The following DLG2 variants were observed in gnomAD, a reference collection of about 807,000 sequenced individuals.
DLG2 encodes discs large MAGUK scaffold protein 2, also known as disks large homolog 2.
In DLG2, 45 loss-of-function variants were observed where a neutral mutation model predicts 132.5. The observed-to-expected ratio is 0.34, with a 90% CI of 0.27 to 0.44. DLG2 has a LOEUF of 0.44. Among genes scored for constraint, DLG2 ranks in the 20% least tolerant of loss-of-function variants. The pLI is 1.00. For synonymous variants in DLG2, 424 were observed against 419.6 expected (o/e 1.01, Z -0.13); for missense variants, 1,045 against 1,196.9 (o/e 0.87, Z 1.87).
At chr11:85,025,466 T>C (rs867129608) in intron 6 of DLG2, among the ~76,000 whole-genome samples, 1 of 152,204 alleles carries the variant, frequency 6.6e-6, no homozygotes, top group Non-Finnish European at 1.5e-5. Context: ...ACCACTTTGA[T>C]ACAATTTGGG....
chr11:84,456,540 T>A lies in DLG2; in HGVS notation c.519+78030A>T, dbSNP rs537028442. Among the ~76,000 whole-genome samples the A allele has an allele frequency of 5.9e-5, 9 of 151,428 alleles. No individual in the cohort carries two copies. In the South Asian group the frequency reaches 1.9e-3, roughly 31 times the overall value. ...CCTAACTGGTCACTGCTTTGGTCCT[T>A]GGGCTTTAAAAACACCACATACATT... On this transcript the variant is annotated intron_variant, in intron 7 of 27. Coordinates refer to ENST00000376104, the MANE Select transcript of DLG2 (RefSeq NM_001142699.3).
At chr11:84,062,155 G>A (rs1040836786) in intron 10 of DLG2, among the ~76,000 whole-genome samples, 1 of 152,100 alleles carries the variant, frequency 6.6e-6, no homozygotes, top group Non-Finnish European at 1.5e-5. Context: ...TCAATTGCTG[G>A]TGTGAGAAAA....
At position 84,313,227 on chromosome 11, in the gene DLG2, T is replaced by C. The variant is rs1308771773; in HGVS notation, c.520-61936A>G. On this transcript the variant is annotated intron_variant, in intron 7 of 27. Coordinates refer to ENST00000376104, the MANE Select transcript of DLG2 (RefSeq NM_001142699.3). ...ACTTCCTAAGTTCAAGCAATTCTCG[T>C]GCCTCAGCCTCCTGAGTAGCTGGGA... Among the ~76,000 whole-genome samples, 5 of 152,176 alleles carry C rather than the reference T, an allele frequency of 3.3e-5. No homozygotes were observed. In the East Asian group the frequency reaches 9.7e-4, roughly 29 times the overall value.
At chr11:84,371,748 A>G (rs538363441) in intron 7 of DLG2, among the ~76,000 whole-genome samples, 1 of 152,284 alleles carries the variant, frequency 6.6e-6, no homozygotes, top group East Asian at 1.9e-4. Context: ...TCCTGATATA[A>G]TCTATGAAAA....
At chr11:84,343,027 T>C (rs919080642) in intron 7 of DLG2, among the ~76,000 whole-genome samples, 3 of 152,106 alleles carry the variant, frequency 2.0e-5, no homozygotes, top group East Asian at 3.9e-4. Context: ...AAGAAGGCAG[T>C]CTTACCAAAA....
intron 18 of DLG2, among the ~76,000 whole-genome samples, chr11:83,651,093 C>T (rs1270221838): frequency 1.3e-5 from 2 of 152,018 alleles, no homozygotes; most frequent in African/African-American, 4.8e-5. Context: ...CCCCTGCCAG[C>T]CTAAAACTCT....
At chr11:85,010,472 T>C (rs1166103465) in intron 6 of DLG2, among the ~76,000 whole-genome samples, 1 of 152,096 alleles carries the variant, frequency 6.6e-6, no homozygotes, top group African/African-American at 2.4e-5. Context: ...CCCAACCCAA[T>C]TTATATATGA....
chr11:84,752,457 G>T (rs2066256515), intron 6 of DLG2, among the ~76,000 whole-genome samples: 1 of 151,914 alleles, frequency 6.6e-6, no homozygotes, highest in Non-Finnish European at 1.5e-5. Context: ...AAGGATGTAT[G>T]TGGACTATTT....
chr11:83,555,191 C>A (rs1330312685), intron 19 of DLG2, among the ~76,000 whole-genome samples: 1 of 152,176 alleles, frequency 6.6e-6, no homozygotes, highest in Non-Finnish European at 1.5e-5. Flanking sequence ...CAGCAGGCAG[C>A]AAACCTGAAA....
chr11:84,651,710 G>C (rs1199015736), intron 6 of DLG2, among the ~76,000 whole-genome samples: 1 of 152,142 alleles, frequency 6.6e-6, no homozygotes, highest in Non-Finnish European at 1.5e-5. Context: ...TGTGTTAATG[G>C]GAAAAGGGAT....
intron 6 of DLG2, among the ~76,000 whole-genome samples, chr11:84,809,806 A>G (rs1438374842): frequency 5.3e-5 from 8 of 152,178 alleles, no homozygotes. Flanking sequence ...AAACAATTTA[A>G]GAATGAAGTG....
rs140644270 is a variant in DLG2 at position 85,235,357 on chromosome 11, A to T, written c.186+49863T>A. ...GGATATTGTATGCCTATGTCCTTTC[A>T]TCCATCCTTTCATTCATCCATCTAT... On this transcript the variant is annotated intron_variant, in intron 4 of 27. Coordinates refer to ENST00000376104, the MANE Select transcript of DLG2 (RefSeq NM_001142699.3). Among the ~76,000 whole-genome samples the T allele has an allele frequency of 2.0e-4, 30 of 152,110 alleles. 1 individual carries two copies. The highest frequency in any genetic ancestry group is 6.0e-4 in the African/African-American group (25 of 41,564).
chr11:85,202,702 T>C (rs2081558587), intron 4 of DLG2, among the ~76,000 whole-genome samples: 1 of 152,186 alleles, frequency 6.6e-6, no homozygotes, highest in Admixed American at 6.5e-5. Flanking sequence ...GTCTCTTTTC[T>C]GACCACGATG....
At chr11:84,289,788 A>T (rs1275573304) in intron 7 of DLG2, among the ~76,000 whole-genome samples, 1 of 152,196 alleles carries the variant, frequency 6.6e-6, no homozygotes, top group African/African-American at 2.4e-5. Context: ...CTGCAAGATG[A>T]TGAGCAGATT....
chr11:84,123,024 C>T (rs980383577), intron 9 of DLG2, among the ~76,000 whole-genome samples: 2 of 151,884 alleles, frequency 1.3e-5, no homozygotes, highest in Non-Finnish European at 2.9e-5. Flanking sequence ...GAAAAAAAAC[C>T]CCTAATATTT....
intron 15 of DLG2, among the ~76,000 whole-genome samples, chr11:83,885,614 C>A (rs1186247874): frequency 1.3e-5 from 2 of 152,104 alleles, no homozygotes; most frequent in Non-Finnish European, 2.9e-5. Flanking sequence ...AAAGATACTC[C>A]TTGAGAAGAG....
chr11:85,607,752 G>C (rs1471181341), intron 2 of DLG2, among the ~76,000 whole-genome samples: 1 of 152,162 alleles, frequency 6.6e-6, no homozygotes, highest in East Asian at 1.9e-4. Context: ...CTAGGATATG[G>C]GGAGCCTCAG....
chr11:84,832,855 A>C (rs2079215297), intron 6 of DLG2, among the ~76,000 whole-genome samples: 1 of 151,530 alleles, frequency 6.6e-6, no homozygotes, highest in Admixed American at 6.6e-5. Flanking sequence ...GGCATTTAAC[A>C]CAAGTGATTA....
intron 6 of DLG2, among the ~76,000 whole-genome samples, chr11:84,951,183 A>G (rs1315991111): frequency 6.6e-6 from 1 of 152,214 alleles, no homozygotes; most frequent in Non-Finnish European, 1.5e-5. Context: ...GCAAGTACCC[A>G]TACCATTTAG....
Sources: allele counts gnomAD v4.1 joint callset (sites outside exome capture counted in the v4.1 genomes callset), GRCh38; gene constraint gnomAD v4.1.1; transcripts MANE v1.5; gene names NCBI Gene and HGNC (gene_info 2026-07-23, HGNC 2026-07-21).